Variants in GLDN observed in about 807,000 individuals in gnomAD.
GLDN encodes collomin.
Under a neutral mutation model 56.5 loss-of-function variants are expected in GLDN, and 47 were observed. The observed-to-expected ratio is 0.83, with a 90% CI of 0.66 to 1.06. The LOEUF (loss-of-function observed/expected upper bound fraction) is 1.06. Among genes scored for constraint, GLDN ranks in the 50% least tolerant of loss-of-function variants. The pLI is 0.00. For synonymous variants in GLDN, 332 were observed against 278.8 expected (o/e 1.19, Z -1.90); for missense variants, 782 against 714.3 (o/e 1.09, Z -1.08).
rs753424904 is a variant in GLDN at position 51,397,510 on chromosome 15, C to T, written c.729C>T (p.Pro243=). The T allele has an allele frequency of 6.3e-7, 1 of 1,591,282 alleles. No individual in the cohort carries two copies. Among genetic ancestry groups the T allele is most frequent in the South Asian group, 1.1e-5 (1 of 87,790 alleles). ...AAGGCCCACCCGGTCCACCTGGGCCCCCAGGCCCTCCAGGTCCTCCAGGGC... is the reference window on the plus strand; with the variant it reads ...AAGGCCCACCCGGTCCACCTGGGCCTCCAGGCCCTCCAGGTCCTCCAGGGC... ...GDQGPPGPPG[P]PGPPGPPGPP... Residue 243 remains proline, a synonymous_variant, in exon 6 of 10, where the codon CCC becomes CCT. Transcript: ENST00000335449.
chr15:51,405,490 G>A lies in GLDN; in HGVS notation c.*736G>A, dbSNP rs2141141212. On this transcript the variant is annotated 3_prime_UTR_variant, in exon 10 of 10. Coordinates refer to ENST00000335449, the MANE Select transcript of GLDN (RefSeq NM_181789.4). ...GGTCTTGAACTCCTGGGGCTCAAGTGATCCTCCTGCCTTGGCCTCCCAAAA... is the reference window on the plus strand; with the variant it reads ...GGTCTTGAACTCCTGGGGCTCAAGTAATCCTCCTGCCTTGGCCTCCCAAAA... 6.7e-6 allele frequency: 1 copy of A among 149,792 alleles called. No homozygotes were observed. Among genetic ancestry groups the A allele is most frequent in the South Asian group, 2.1e-4 (1 of 4,738 alleles). The allele number at this position is 149,792 out of a possible 1,614,324, so 9.3% of individuals were successfully genotyped here.
At chr15:51,404,176 C>A in intron 9 of GLDN, 101 bp from the exon 10 acceptor site, 1 of 881,564 alleles carries the variant, frequency 1.1e-6, no homozygotes, top group Non-Finnish European at 1.8e-6. Context: ...TCCCAGCCCT[C>A]ACCCCAGACC....
chr15:51,349,484 A>G (rs1464240495), intron 1 of GLDN, among the ~76,000 whole-genome samples: 1 of 152,290 alleles, frequency 6.6e-6, no homozygotes, highest in African/African-American at 2.4e-5. Flanking sequence ...CAAAAGAATA[A>G]TAATATTGTG....
At chr15:51,396,799 C>T (rs2459396) in intron 5 of GLDN, among the ~76,000 whole-genome samples, 5 of 151,928 alleles carry the variant, frequency 3.3e-5, no homozygotes, top group Non-Finnish European at 5.9e-5. Context: ...CACTGTGCTT[C>T]GACCCACGTA....
At chr15:51,370,028 A>G (rs1194418964) in intron 1 of GLDN, among the ~76,000 whole-genome samples, 1 of 152,172 alleles carries the variant, frequency 6.6e-6, no homozygotes, top group Non-Finnish European at 1.5e-5. Flanking sequence ...AGGCAGGAGG[A>G]TCTCCTGAGC....
In GLDN at chr15:51,406,854, G is replaced by T. The variant is rs192671199; in HGVS notation, c.*2100G>T. The T allele has an allele frequency of 6.6e-6, 1 of 152,272 alleles. No individual in the cohort carries two copies. The highest frequency in any genetic ancestry group is 1.9e-4 in the East Asian group (1 of 5,190). The allele number at this position is 152,272 out of a possible 1,614,324, so 9.4% of individuals were successfully genotyped here. A position where few individuals can be genotyped will look rare whatever the true frequency, so the allele number is the denominator to read the frequency against. ...TTTCAGATTCACGTTCTCTAACAAA[G>T]AGTCTCATGTTCAAGATCAATATGT... On this transcript the variant is annotated 3_prime_UTR_variant, in exon 10 of 10. Transcript: ENST00000335449.
rs756774163 is a variant in GLDN at position 51,383,827 on chromosome 15, A to G, written c.476A>G (p.Asp159Gly). ...AGGLPGHNGL[D>G]GQPGPQGPKG... ...GGGTTGCCAGGACACAACGGATTGGATGGACAGCCTGGTCCTCAGGGCCCA... is the reference window on the plus strand; with the variant it reads ...GGGTTGCCAGGACACAACGGATTGGGTGGACAGCCTGGTCCTCAGGGCCCA... Residue 159 changes from aspartate to glycine, a missense_variant, in exon 4 of 10, where the codon GAT becomes GGT. By Grantham distance (94) the Asp-to-Gly change is moderately conservative. Coordinates refer to ENST00000335449, the MANE Select transcript of GLDN (RefSeq NM_181789.4). 3.1e-6 allele frequency: 5 copies of G among 1,612,984 alleles called. No individual in the cohort carries two copies. The Admixed American group carries it at 6.7e-5, about 22-fold the overall frequency.
At chr15:51,396,737 C>T (rs2038137287) in intron 5 of GLDN, among the ~76,000 whole-genome samples, 1 of 152,124 alleles carries the variant, frequency 6.6e-6, no homozygotes, top group African/African-American at 2.4e-5. Context: ...GTTGCCCATC[C>T]AACCGTCTAT....
At chr15:51,362,981 G>A (rs1180689572) in intron 1 of GLDN, among the ~76,000 whole-genome samples, 1 of 152,016 alleles carries the variant, frequency 6.6e-6, no homozygotes, top group East Asian at 1.9e-4. Flanking sequence ...GGAATTGAAG[G>A]ACTTCAAGGT....
In GLDN at chr15:51,341,670, CA is replaced by C; in HGVS notation, c.-13del. 1 of 1,389,554 alleles carries C rather than the reference CA, an allele frequency of 7.2e-7. No individual in the cohort carries two copies. The highest frequency in any genetic ancestry group is 9.2e-7 in the Non-Finnish European group (1 of 1,083,674). 86.1% of individuals were successfully genotyped at this position (1,389,554 alleles called of 1,614,324 possible). A position where few individuals can be genotyped will look rare whatever the true frequency, so the allele number is the denominator to read the frequency against. On this transcript the variant is annotated 5_prime_UTR_variant, in exon 1 of 10. Coordinates refer to ENST00000335449, the MANE Select transcript of GLDN (RefSeq NM_181789.4). ...GCAGGCTGCCAAGCCCTGCCCTGCC[CA>C]AGGCGCATAGAGCATGGCCCGAGGC...
intron 5 of GLDN, among the ~76,000 whole-genome samples, chr15:51,395,597 G>A (rs974661801): frequency 2.6e-5 from 4 of 152,120 alleles, no homozygotes; most frequent in Admixed American, 6.5e-5. Context: ...CAGCCCAGGG[G>A]CCTTGGGCTA....
intron 1 of GLDN, among the ~76,000 whole-genome samples, chr15:51,347,914 T>C (rs778024901): frequency 2.6e-5 from 4 of 152,168 alleles, no homozygotes; most frequent in Non-Finnish European, 5.9e-5. Flanking sequence ...CAGGATATAT[T>C]CTAAGTGAAC....
At position 51,404,225 on chromosome 15, in the gene GLDN, T is replaced by A. The variant is rs2459399; in HGVS notation, c.1179-52T>A. 26 of 1,384,040 alleles carry A rather than the reference T, an allele frequency of 1.9e-5. No individual in the cohort carries two copies. In the African/African-American group the frequency reaches 3.6e-4, roughly 19 times the overall value. The allele number at this position is 1,384,040 out of a possible 1,614,324, so 85.7% of individuals were successfully genotyped here. Reference sequence around the variant, plus strand: ...TAATAGAGGAGCCTAATAAACCACCTGTCCACAGAAACGGTGATTCATGTC... The same window carrying A: ...TAATAGAGGAGCCTAATAAACCACCAGTCCACAGAAACGGTGATTCATGTC... On this transcript the variant is annotated intron_variant, in intron 9 of 9. Transcript: ENST00000335449.
chr15:51,400,899 C>T (rs1308932445), intron 8 of GLDN, among the ~76,000 whole-genome samples: 1 of 152,202 alleles, frequency 6.6e-6, no homozygotes, highest in Non-Finnish European at 1.5e-5. Context: ...TTTTGGCCAT[C>T]TTTCCCAGCC....
At chr15:51,401,222 C>T (rs758168354) in intron 8 of GLDN, among the ~76,000 whole-genome samples, 1 of 152,148 alleles carries the variant, frequency 6.6e-6, no homozygotes, top group Non-Finnish European at 1.5e-5. Context: ...CTGCACAGTG[C>T]AGGAAGAGGT....
chr15:51,388,289 A>G (rs2037943262), intron 4 of GLDN, among the ~76,000 whole-genome samples: 1 of 152,002 alleles, frequency 6.6e-6, no homozygotes, highest in South Asian at 2.1e-4. Context: ...GGGATCAATC[A>G]AAATATTGAT....
chr15:51,394,290 A>G (rs904473493), intron 4 of GLDN, among the ~76,000 whole-genome samples: 2 of 151,912 alleles, frequency 1.3e-5, no homozygotes, highest in African/African-American at 4.8e-5. Context: ...CCTCTCTCCA[A>G]CCTGTTGGCT....
In GLDN at chr15:51,385,479, GC is replaced by G. The variant is rs370322178; in HGVS notation, c.541+1593del. 8.5e-5 allele frequency: 13 copies of G among 152,150 alleles called. 1 individual carries two copies. Among genetic ancestry groups the G allele is most frequent in the Admixed American group, 8.5e-4 (13 of 15,264 alleles). The allele number at this position is 152,150 out of a possible 1,614,324, so 9.4% of individuals were successfully genotyped here. A position where few individuals can be genotyped will look rare whatever the true frequency, so the allele number is the denominator to read the frequency against. ...CTAGATGCTGGAGATTCAGAAATAA[GC>G]CCCCCTCCTCCACCTTCACGAGGCT... On this transcript the variant is annotated intron_variant, in intron 4 of 9. Coordinates refer to ENST00000335449, the MANE Select transcript of GLDN (RefSeq NM_181789.4).
In GLDN at chr15:51,387,119, G is replaced by A. The variant is rs568294719; in HGVS notation, c.541+3227G>A. On this transcript the variant is annotated intron_variant, in intron 4 of 9. Coordinates refer to ENST00000335449, the MANE Select transcript of GLDN (RefSeq NM_181789.4). ...AGAGGAGGGGCTGGGTTTCAGCCCT[G>A]AGAAGCTCCAACCTCAGGTGACAAA... 4.6e-5 allele frequency among the ~76,000 whole-genome samples: 7 copies of A among 152,230 alleles called. No homozygotes were observed. The South Asian group carries it at 1.2e-3, about 27-fold the overall frequency.
Sources: gnomAD v4.1 joint callset for allele counts (sites outside exome capture counted in the v4.1 genomes callset) on GRCh38, gnomAD v4.1.1 for gene constraint, MANE v1.5 for transcripts, NCBI Gene and HGNC (gene_info 2026-07-23, HGNC 2026-07-21) for gene names.